The following RMDN2 variants were observed in gnomAD, a reference collection of about 807,000 sequenced individuals.
The protein encoded by RMDN2 is regulator of microtubule dynamics protein 2.
A neutral mutation model predicts 52.8 loss-of-function variants in RMDN2; 61 were observed. That is an observed-to-expected ratio of 1.16 (90% CI 0.94 to 1.43). RMDN2 has a LOEUF of 1.43. RMDN2 is among the 40% of genes most tolerant of loss of function. The probability of loss-of-function intolerance (pLI) is 0.00; values close to 1 mark genes in which losing one functional copy is unlikely to be tolerated. For missense variants in RMDN2, 592 were observed against 475.3 expected (o/e 1.25, Z -2.28); for synonymous variants, 180 against 153.1 (o/e 1.18, Z -1.30).
chr2:38,044,923 T>G (rs1326951344), intron 10 of RMDN2, among the ~76,000 whole-genome samples: 3 of 152,168 alleles, frequency 2.0e-5, no homozygotes, highest in African/African-American at 7.2e-5. Context: ...ATTACTTGAT[T>G]TGGCAAGTGA....
At chr2:38,011,602 A>G (rs1678009236) in intron 10 of RMDN2, among the ~76,000 whole-genome samples, 1 of 152,234 alleles carries the variant, frequency 6.6e-6, no homozygotes, top group Non-Finnish European at 1.5e-5. Flanking sequence ...CTAGAAGGGA[A>G]TATATGATGT....
In RMDN2 at chr2:37,932,912, G is replaced by T. The variant is rs1344373571; in HGVS notation, c.452+3183G>T. Among the ~76,000 whole-genome samples the T allele has an allele frequency of 5.2e-3, 787 of 149,986 alleles. 8 individuals are homozygous for T. Among genetic ancestry groups the T allele is most frequent in the African/African-American group, 0.018 (733 of 40,694 alleles). ...GGACGGGGCGGCTGGCCGGGCGGGGGGCTGACCCCCCCACCTCCCTCCCGG... is the reference window on the plus strand; with the variant it reads ...GGACGGGGCGGCTGGCCGGGCGGGGTGCTGACCCCCCCACCTCCCTCCCGG... On this transcript the variant is annotated intron_variant, in intron 2 of 10. Transcript: ENST00000354545.
chr2:37,961,061 G>GT (rs1478177338), intron 2 of RMDN2, among the ~76,000 whole-genome samples: 1 of 152,188 alleles, frequency 6.6e-6, no homozygotes, highest in Non-Finnish European at 1.5e-5. Flanking sequence ...GAGATCTCCT[G>GT]TTAGTCTGAT....
intron 1 of RMDN2, chr2:37,928,647 G>A (rs986896561): frequency 4.6e-5 from 7 of 152,188 alleles, no homozygotes; most frequent in Admixed American, 1.3e-4. Context: ...TGCCTTTTAT[G>A]ACTATGAATG....
At position 37,929,383 on chromosome 2, in the gene RMDN2, G is replaced by A. The variant is rs763568552; in HGVS notation, c.106G>A (p.Ala36Thr). Residue 36 changes from alanine to threonine, a missense_variant, in exon 2 of 11, where the codon GCA (alanine) becomes ACA (threonine). Ala to Thr is a moderately conservative substitution (Grantham distance 58, BLOSUM62 0). Coordinates refer to ENST00000354545, the MANE Select transcript of RMDN2 (RefSeq NM_001170791.3). ...CCACAAGGTCCGTAAACCAGGGATA[G>A]CAATGAAGTTACCTGAATTTCTTTC... Reference protein sequence around the residue: ...WYHKVRKPGIAMKLPEFLSLG... With the variant: ...WYHKVRKPGITMKLPEFLSLG... 5 of 1,551,436 alleles carry A rather than the reference G, an allele frequency of 3.2e-6. No homozygotes were observed. The highest frequency in any genetic ancestry group is 2.0e-5 in the Admixed American group (1 of 50,992).
chr2:37,964,289 T>C (rs1471600035), intron 2 of RMDN2, among the ~76,000 whole-genome samples: 2 of 152,366 alleles, frequency 1.3e-5, no homozygotes, highest in East Asian at 3.9e-4. Flanking sequence ...TGTACAAAAA[T>C]CTTCCTTCTT....
chr2:37,994,733 A>G (rs577396313), intron 7 of RMDN2, among the ~76,000 whole-genome samples: 1 of 152,330 alleles, frequency 6.6e-6, no homozygotes, highest in East Asian at 1.9e-4. Context: ...ATTGAAACTC[A>G]TATGTTTCAA....
chr2:37,964,163 TCCTCACTTCTCAGACAGGGCAGCTGCC>T (rs1670715912), intron 2 of RMDN2, among the ~76,000 whole-genome samples: 3 of 150,548 alleles, frequency 2.0e-5, no homozygotes, highest in African/African-American at 7.4e-5. Flanking sequence ...GCGGAGGGGC[TCCTCACTTCTCAGACAGGGCAGCTGCC>T]GGGCGGAGGG....
intron 7 of RMDN2, among the ~76,000 whole-genome samples, chr2:37,992,081 G>A (rs757832086): frequency 4.6e-5 from 7 of 152,144 alleles, no homozygotes; most frequent in Non-Finnish European, 1.0e-4. Flanking sequence ...TATGCATTCT[G>A]TCCTTTATAT....
upstream of RMDN2, among the ~76,000 whole-genome samples, chr2:37,921,568 G>A (rs1398505680): frequency 2.0e-5 from 3 of 152,228 alleles, no homozygotes; most frequent in Non-Finnish European, 4.4e-5. Flanking sequence ...CAGAAGCAGT[G>A]AAAGCTGAAC....
intron 2 of RMDN2, among the ~76,000 whole-genome samples, chr2:37,958,436 GCTCT>G (rs1288750779): frequency 2.0e-5 from 3 of 147,024 alleles, no homozygotes; most frequent in East Asian, 1.9e-4. Context: ...TCATGATTTA[GCTCT>G]CTATTATTGG....
At chr2:38,002,492 A>G (rs942898700) in intron 8 of RMDN2, among the ~76,000 whole-genome samples, 3 of 152,218 alleles carry the variant, frequency 2.0e-5, no homozygotes, top group Admixed American at 1.3e-4. Flanking sequence ...TCTGGAGCCA[A>G]TATGTAGATT....
At chr2:37,988,398 T>C (rs923754376) in intron 5 of RMDN2, among the ~76,000 whole-genome samples, 4 of 152,192 alleles carry the variant, frequency 2.6e-5, no homozygotes, top group East Asian at 1.9e-4. Context: ...TTTTAGTACG[T>C]TGATATGGTC....
intron 5 of RMDN2, among the ~76,000 whole-genome samples, chr2:37,982,968 A>G (rs1396887717): frequency 2.0e-5 from 3 of 152,044 alleles, no homozygotes; most frequent in Non-Finnish European, 2.9e-5. Flanking sequence ...TGGTTAGCCT[A>G]ATTAGGATGC....
intron 5 of RMDN2, among the ~76,000 whole-genome samples, chr2:37,985,121 G>A (rs538941323): frequency 1.3e-5 from 2 of 151,822 alleles, no homozygotes; most frequent in Non-Finnish European, 2.9e-5. Context: ...AAATCATGGG[G>A]TTTTTTTTCC....
downstream of RMDN2, among the ~76,000 whole-genome samples, chr2:38,019,700 G>A (rs1052544800): frequency 2.0e-5 from 3 of 152,144 alleles, no homozygotes; most frequent in Non-Finnish European, 4.4e-5. Context: ...TCGGGAGGCT[G>A]AGGCGGGAGG....
intron 7 of RMDN2, among the ~76,000 whole-genome samples, chr2:37,993,979 A>T (rs1210913802): frequency 6.6e-6 from 1 of 152,234 alleles, no homozygotes; most frequent in East Asian, 1.9e-4. Flanking sequence ...TTTTAATTCA[A>T]AATGGACTCT....
intron 8 of RMDN2, among the ~76,000 whole-genome samples, chr2:38,000,689 T>A (rs1333240359): frequency 2.0e-5 from 3 of 152,236 alleles, no homozygotes; most frequent in Non-Finnish European, 2.9e-5. Context: ...TCCTTTTCAT[T>A]GCTAAGTAAT....
intron 8 of RMDN2, among the ~76,000 whole-genome samples, chr2:37,999,540 T>C (rs991360600): frequency 6.6e-6 from 1 of 152,132 alleles, no homozygotes; most frequent in African/African-American, 2.4e-5. Context: ...AGAGGAGGCA[T>C]CAGGAATGCT....
Sources: gnomAD v4.1 joint callset for allele counts (sites outside exome capture counted in the v4.1 genomes callset) on GRCh38, gnomAD v4.1.1 for gene constraint, MANE v1.5 for transcripts, NCBI Gene and HGNC (gene_info 2026-07-23, HGNC 2026-07-21) for gene names.